The following FAM107B variants were observed in gnomAD, a reference collection of about 807,000 sequenced individuals.
FAM107B encodes family with sequence similarity 107 member B, also known as protein FAM107B.
In FAM107B, 21 loss-of-function variants were observed where a neutral mutation model predicts 31.5. The observed-to-expected ratio is 0.67, with a 90% CI of 0.47 to 0.96. FAM107B has a LOEUF of 0.96. Among genes scored for constraint, FAM107B ranks in the 40% least tolerant of loss-of-function variants. The pLI, the probability that FAM107B is intolerant of heterozygous loss-of-function variation, is 0.00. For synonymous variants in FAM107B, 157 were observed against 141.5 expected, an observed-to-expected ratio of 1.11 and a Z score of -0.78; for missense variants, 452 against 377.1, an observed-to-expected ratio of 1.20 and a Z score of -1.64.
chr10:14,665,503 T>C (rs1854381650), intron 2 of FAM107B, among the ~76,000 whole-genome samples: 2 of 152,158 alleles, frequency 1.3e-5, no homozygotes, highest in Admixed American at 1.3e-4. Flanking sequence ...AGAGAGCAAA[T>C]AAAAGCATTT....
At chr10:14,720,299 G>A (rs1025399951) in intron 1 of FAM107B, among the ~76,000 whole-genome samples, 1 of 152,082 alleles carries the variant, frequency 6.6e-6, no homozygotes, top group Admixed American at 6.5e-5. Context: ...TGTCACCCAG[G>A]CTGGAGTGCA....
rs187317272 is a variant in FAM107B, at chr10:14,589,366, T to C, written c.470-58851A>G. Among the ~76,000 whole-genome samples the C allele has an allele frequency of 8.7e-4, 133 of 152,278 alleles. 1 individual carries two copies. The highest frequency in any genetic ancestry group is 3.0e-3 in the African/African-American group (126 of 41,562). On this transcript the variant is annotated intron_variant, in intron 2 of 4. Transcript: ENST00000181796. ...ATCTGAAAGCTTTTTCAAATACTAG[T>C]AAGCCAGGCACAATTACCAATTATT... is the stretch of plus-strand genomic sequence containing the variant.
At chr10:14,584,102 G>A (rs760544605) in intron 2 of FAM107B, among the ~76,000 whole-genome samples, 54 of 152,208 alleles carry the variant, frequency 3.5e-4, no homozygotes, top group Non-Finnish European at 7.3e-4. Context: ...GACTGATGGA[G>A]GGACCAAGCA....
At chr10:14,735,406 G>C (rs902331839) in intron 1 of FAM107B, among the ~76,000 whole-genome samples, 4 of 152,138 alleles carry the variant, frequency 2.6e-5, no homozygotes, top group Non-Finnish European at 5.9e-5. Context: ...ACCTGTGGTA[G>C]ATACTCATCT....
rs141933253 is a variant in FAM107B, at chr10:14,521,587, C to T, written c.805-281G>A. Among the ~76,000 whole-genome samples, 14 of 152,302 alleles carry T rather than the reference C, an allele frequency of 9.2e-5. No homozygotes were observed. The East Asian group carries it at 2.7e-3, about 29-fold the overall frequency. On this transcript the variant is annotated intron_variant, in intron 4 of 4. Transcript: ENST00000181796. ...AGTCAACGCGCAGTTGCTCTGGAGT[C>T]TTCATGAAAGTGAATTTCATTAAAT...
chr10:14,555,564 G>C (rs1175344892), intron 2 of FAM107B, among the ~76,000 whole-genome samples: 1 of 152,108 alleles, frequency 6.6e-6, no homozygotes, highest in Non-Finnish European at 1.5e-5. Flanking sequence ...CCATTAGCAA[G>C]AAATAAATTT....
At chr10:14,533,489 G>A (rs1189793631) in intron 2 of FAM107B, among the ~76,000 whole-genome samples, 3 of 152,180 alleles carry the variant, frequency 2.0e-5, no homozygotes, top group Admixed American at 2.0e-4. Context: ...GAGGGCAAGT[G>A]CAGCCAGCGC....
At chr10:14,725,821 CTTTTTTTTT>C (rs759788163) in intron 1 of FAM107B, among the ~76,000 whole-genome samples, 4 of 94,298 alleles carry the variant, frequency 4.2e-5, no homozygotes, top group Admixed American at 3.1e-4. Context: ...CAGTCAAATC[CTTTTTTTTT>C]TTTTTTTTTT....
At chr10:14,613,373 C>A (rs553304383) in intron 2 of FAM107B, among the ~76,000 whole-genome samples, 48 of 152,248 alleles carry the variant, frequency 3.2e-4, no homozygotes, top group Non-Finnish European at 5.6e-4. Flanking sequence ...TGCTCATGAC[C>A]ATTCTTAGCT....
At chr10:14,524,184 G>C (rs1438554152) in intron 3 of FAM107B, among the ~76,000 whole-genome samples, 1 of 152,082 alleles carries the variant, frequency 6.6e-6, no homozygotes, top group Non-Finnish European at 1.5e-5. Flanking sequence ...TGGGATTACA[G>C]GTGCCCGCAA....
intron 2 of FAM107B, among the ~76,000 whole-genome samples, chr10:14,644,760 A>G (rs950799859): frequency 1.3e-5 from 2 of 152,220 alleles, no homozygotes; most frequent in Admixed American, 6.5e-5. Context: ...AAGTATTGGT[A>G]TGAGTGTGCT....
At chr10:14,755,011 A>G (rs1832900154) in intron 1 of FAM107B, among the ~76,000 whole-genome samples, 1 of 152,332 alleles carries the variant, frequency 6.6e-6, no homozygotes, top group South Asian at 2.1e-4. Context: ...AGGGCCAGGA[A>G]TTGAGTCAAG....
chr10:14,738,312 T>C (rs1856357325), intron 1 of FAM107B, among the ~76,000 whole-genome samples: 1 of 152,148 alleles, frequency 6.6e-6, no homozygotes. Context: ...AGGGAAAAGA[T>C]AAGGCGTAGT....
At chr10:14,660,519 C>T (rs560130675) in intron 2 of FAM107B, among the ~76,000 whole-genome samples, 23 of 152,322 alleles carry the variant, frequency 1.5e-4, no homozygotes, top group African/African-American at 5.3e-4. Flanking sequence ...ATCTCCCTCT[C>T]TCTATAAAAG....
At chr10:14,582,379 T>TC (rs1324850066) in intron 2 of FAM107B, among the ~76,000 whole-genome samples, 14 of 141,160 alleles carry the variant, frequency 9.9e-5, no homozygotes, top group African/African-American at 3.6e-4. Context: ...TCTTTTCTTT[T>TC]TTTTTTTTTT....
At chr10:14,584,593 G>A (rs771842651) in intron 2 of FAM107B, among the ~76,000 whole-genome samples, 6 of 152,118 alleles carry the variant, frequency 3.9e-5, no homozygotes, top group Non-Finnish European at 5.9e-5. Flanking sequence ...AGAAAACCAG[G>A]AACACACGTG....
At chr10:14,550,984 C>G (rs1475922402) in intron 2 of FAM107B, among the ~76,000 whole-genome samples, 3 of 152,138 alleles carry the variant, frequency 2.0e-5, no homozygotes, top group Admixed American at 1.3e-4. Context: ...CTAACTACTT[C>G]CTTTATGCCT....
rs564188659 is a variant in FAM107B, at chr10:14,538,638, G to C, written c.470-8123C>G. Among the ~76,000 whole-genome samples the C allele has an allele frequency of 2.1e-4, 32 of 152,280 alleles. No homozygotes were observed. The South Asian group carries it at 6.6e-3, about 32-fold the overall frequency. On this transcript the variant is annotated intron_variant, in intron 2 of 4. Transcript: ENST00000181796. ...GATAATACAGATTCTGGTGACACAG[G>C]TGTGTTTCCTCTAAACATTCACCCT...
intron 2 of FAM107B, among the ~76,000 whole-genome samples, chr10:14,559,729 G>T (rs574994364): frequency 7.8e-6 from 1 of 127,820 alleles, no homozygotes; most frequent in African/African-American, 2.8e-5. Flanking sequence ...CAGCCACCGC[G>T]CCTGGCTAAT....
Sources: allele counts gnomAD v4.1 joint callset (sites outside exome capture counted in the v4.1 genomes callset), GRCh38; gene constraint gnomAD v4.1.1; transcripts MANE v1.5; gene names NCBI Gene and HGNC (gene_info 2026-07-23, HGNC 2026-07-21).